GABPA: variants seen among roughly 807,000 people sequenced by gnomAD.
GABPA encodes GA binding protein transcription factor subunit alpha, also known as GA-binding protein alpha chain.
A neutral mutation model predicts 59.4 loss-of-function variants in GABPA; 4 were observed. The observed-to-expected ratio is 0.07, with a 90% CI of 0.03 to 0.15. The LOEUF is 0.15. GABPA is among the 10% of genes least tolerant of loss of function. The probability of loss-of-function intolerance (pLI) is 1.00; values close to 1 mark genes in which losing one functional copy is unlikely to be tolerated. For synonymous variants in GABPA, 164 were observed against 183.1 expected (o/e 0.90, Z 0.84); for missense variants, 251 against 543.8 (o/e 0.46, Z 5.36).
In GABPA at chr21:25,745,212, T is replaced by C. The variant is rs771813200; in HGVS notation, c.80T>C (p.Ile27Thr). ...TEKAECTEES[I>T]VEQTYAPAEC... ...GCACTTACATCTTTAACATTTAGCA[T>C]TGTAGAACAAACCTACGCGCCAGCT... is the stretch of plus-strand genomic sequence containing the variant. Residue 27 changes from isoleucine to threonine, a missense_variant and splice_region_variant, in exon 3 of 10, where the codon ATT becomes ACT. This residue lies in a region of GABPA where 207 missense variants were observed against 366.7 expected (regional missense o/e 0.56). Transcript: ENST00000400075. 9.9e-6 allele frequency: 16 copies of C among 1,612,646 alleles called. No individual in the cohort carries two copies. The highest frequency in any genetic ancestry group is 2.2e-5 in the East Asian group (1 of 44,874).
intron 4 of GABPA, among the ~76,000 whole-genome samples, chr21:25,750,107 G>A (rs1229337224): frequency 1.3e-5 from 2 of 152,202 alleles, no homozygotes; most frequent in African/African-American, 2.4e-5. Flanking sequence ...GGGAGACAGT[G>A]ACAGAGTATC....
At chr21:25,746,073 G>A (rs1899632351) in intron 3 of GABPA, among the ~76,000 whole-genome samples, 1 of 151,606 alleles carries the variant, frequency 6.6e-6, no homozygotes. Context: ...GTGCAGTCGT[G>A]TAGTTTCGGG....
In GABPA at chr21:25,770,788, A is replaced by AAG. The variant is rs951568805; in HGVS notation, c.*1565_*1566dup. On this transcript the variant is annotated 3_prime_UTR_variant, in exon 10 of 10. Coordinates refer to ENST00000400075, the MANE Select transcript of GABPA (RefSeq NM_002040.4). ...CAGGGATCTTAAGGACAAGGAAGAGAAGAGAGAGAGGGAGGGATCTTTGAT... is the reference window on the plus strand; with the variant it reads ...CAGGGATCTTAAGGACAAGGAAGAGAAGAGAGAGAGAGGGAGGGATCTTTGAT... The AAG allele has an allele frequency of 6.6e-6, 1 of 152,040 alleles. No homozygotes were observed. Among genetic ancestry groups the AAG allele is most frequent in the Admixed American group, 6.6e-5 (1 of 15,264 alleles). The allele number at this position is 152,040 out of a possible 1,614,324, so 9.4% of individuals were successfully genotyped here. A position where few individuals can be genotyped will look rare whatever the true frequency, so the allele number is the denominator to read the frequency against.
intron 2 of GABPA, 89 bp downstream of exon 2, chr21:25,741,764 CT>C: frequency 6.8e-6 from 5 of 736,002 alleles, no homozygotes; most frequent in Non-Finnish European, 1.1e-5. Context: ...TTTGGACTGT[CT>C]TTTTTTAACT....
intron 1 of GABPA, among the ~76,000 whole-genome samples, chr21:25,738,523 C>T (rs939006835): frequency 2.0e-5 from 3 of 152,100 alleles, no homozygotes; most frequent in South Asian, 2.1e-4. Context: ...TTTCTCCTTA[C>T]GGTTATGTTC....
intron 1 of GABPA, among the ~76,000 whole-genome samples, chr21:25,736,533 C>A (rs1041879393): frequency 2.0e-5 from 3 of 152,154 alleles, no homozygotes; most frequent in Admixed American, 2.0e-4. Context: ...GAGTGGACTT[C>A]AAGTCAATTT....
chr21:25,744,644 A>G (rs1378636961), intron 2 of GABPA, among the ~76,000 whole-genome samples: 2 of 152,224 alleles, frequency 1.3e-5, no homozygotes, highest in Non-Finnish European at 2.9e-5. Context: ...AAAGTGTGAA[A>G]TAATATGAAA....
At chr21:25,745,025 C>G (rs562336545) in intron 2 of GABPA, among the ~76,000 whole-genome samples, 185 bp from the exon 3 acceptor site, 7 of 152,188 alleles carry the variant, frequency 4.6e-5, no homozygotes, top group African/African-American at 1.7e-4. Context: ...TAGCATTTCT[C>G]TATGAAATTC....
At chr21:25,747,163 C>T (rs914804714) in intron 3 of GABPA, among the ~76,000 whole-genome samples, 1 of 152,190 alleles carries the variant, frequency 6.6e-6, no homozygotes. Flanking sequence ...CTCTGTGGCT[C>T]CAGAACTCTC....
At chr21:25,767,062 A>G (rs894894533) in intron 9 of GABPA, among the ~76,000 whole-genome samples, 4 of 152,050 alleles carry the variant, frequency 2.6e-5, no homozygotes, top group African/African-American at 9.7e-5. Flanking sequence ...AAAGTTCAAA[A>G]AACAGGAAAA....
intron 5 of GABPA, among the ~76,000 whole-genome samples, chr21:25,757,544 C>G (rs181365505): frequency 2.0e-5 from 3 of 152,042 alleles, no homozygotes; most frequent in African/African-American, 7.2e-5. Context: ...GCAGGAGCAG[C>G]CAGCTTTTTA....
chr21:25,736,633 A>G (rs761644513), intron 1 of GABPA, among the ~76,000 whole-genome samples: 3 of 152,210 alleles, frequency 2.0e-5, no homozygotes, highest in Non-Finnish European at 2.9e-5. Flanking sequence ...GGTTGAAGCA[A>G]ATCATCAGAC....
chr21:25,771,711 A>C lies in GABPA; in HGVS notation c.*2479A>C, dbSNP rs1485531903. On this transcript the variant is annotated 3_prime_UTR_variant, in exon 10 of 10. Transcript: ENST00000400075. ...TATTCAAAGGAAGAAAGATAAAATT[A>C]TTGGTCATCATTTGTACCTTAGAAG... The C allele has an allele frequency of 6.6e-6, 1 of 152,020 alleles. No individual in the cohort carries two copies. Among genetic ancestry groups the C allele is most frequent in the Non-Finnish European group, 1.5e-5 (1 of 67,866 alleles). The allele number at this position is 152,020 out of a possible 1,614,324, so 9.4% of individuals were successfully genotyped here.
At chr21:25,751,185 T>TGCACAC (rs1313207913) in intron 4 of GABPA, among the ~76,000 whole-genome samples, 1 of 152,032 alleles carries the variant, frequency 6.6e-6, no homozygotes, top group Non-Finnish European at 1.5e-5. Flanking sequence ...TAGAGAGTAC[T>TGCACAC]GCACACATAA....
intron 7 of GABPA, among the ~76,000 whole-genome samples, chr21:25,763,938 C>CTG (rs34882865): frequency 6.6e-6 from 1 of 151,550 alleles, no homozygotes; most frequent in African/African-American, 2.4e-5. Context: ...TTTAAATACT[C>CTG]TTTGTCTAAT....
chr21:25,759,879 A>G (rs1344664454), intron 6 of GABPA, among the ~76,000 whole-genome samples: 1 of 152,130 alleles, frequency 6.6e-6, no homozygotes, highest in Non-Finnish European at 1.5e-5. Context: ...TTTTTCCCAA[A>G]TCCACGTTTT....
rs576597633 is a variant in GABPA, at chr21:25,767,678, A to G, written c.1137-1326A>G. ...ATTAATGTAGAAATTTTTTAAAGCA[A>G]TTGATATGCCTATAGCATTTTTAAC... On this transcript the variant is annotated intron_variant, in intron 9 of 9. Transcript: ENST00000400075. Among the ~76,000 whole-genome samples the G allele has an allele frequency of 2.0e-5, 3 of 152,142 alleles. No individual in the cohort carries two copies. In the South Asian group the frequency reaches 6.2e-4, roughly 31 times the overall value.
intron 9 of GABPA, 149 bp downstream of exon 9, chr21:25,764,936 A>G (rs1192114391): frequency 3.7e-6 from 2 of 546,782 alleles, no homozygotes; most frequent in Non-Finnish European, 3.0e-6. Context: ...ACCTTTTTAA[A>G]AAGATCTTAA....
chr21:25,755,653 C>A (rs969053199), intron 5 of GABPA, among the ~76,000 whole-genome samples: 1 of 152,014 alleles, frequency 6.6e-6, no homozygotes, highest in Non-Finnish European at 1.5e-5. Flanking sequence ...GCTTTTATTA[C>A]TGGGAATTGT....
Sources: allele counts gnomAD v4.1 joint callset (sites outside exome capture counted in the v4.1 genomes callset), GRCh38; gene constraint gnomAD v4.1.1; regional missense constraint gnomAD v4.1.1; transcripts MANE v1.5; gene names NCBI Gene and HGNC (gene_info 2026-07-23, HGNC 2026-07-21).